Variants in TTC29 observed in about 807,000 individuals in gnomAD.
TTC29 encodes tetratricopeptide repeat protein 29.
Under a neutral mutation model 58.1 loss-of-function variants are expected in TTC29, and 49 were observed. The ratio of observed to expected loss-of-function variants is 0.84; its 90% CI spans 0.67 to 1.07. TTC29 has a LOEUF of 1.07. Ranked by LOEUF, TTC29 falls within the 50% of genes least tolerant of loss-of-function variation. The probability of loss-of-function intolerance (pLI) is 0.00; values close to 1 mark genes in which losing one functional copy is unlikely to be tolerated. For missense variants in TTC29, 582 were observed against 555.6 expected (o/e 1.05, Z -0.48); for synonymous variants, 209 against 196.8 (o/e 1.06, Z -0.52).
At chr4:146,849,909 C>G (rs750304291) in intron 8 of TTC29, among the ~76,000 whole-genome samples, 4 of 152,222 alleles carry the variant, frequency 2.6e-5, no homozygotes, top group Non-Finnish European at 4.4e-5. Context: ...GTCAGCCTCT[C>G]AATGCAGCCT....
intron 11 of TTC29, among the ~76,000 whole-genome samples, chr4:146,712,221 A>G (rs1742550029): frequency 6.6e-6 from 1 of 152,204 alleles, no homozygotes; most frequent in Admixed American, 6.6e-5. Context: ...ATTAGCCACA[A>G]ATAAGGAATG....
intron 11 of TTC29, among the ~76,000 whole-genome samples, chr4:146,779,336 C>T (rs980495057): frequency 2.0e-5 from 3 of 151,982 alleles, no homozygotes; most frequent in Admixed American, 6.6e-5. Context: ...TCAAACTTTT[C>T]CAAATGATGT....
At chr4:146,935,959 T>C (rs918451478) in intron 4 of TTC29, among the ~76,000 whole-genome samples, 2 of 152,180 alleles carry the variant, frequency 1.3e-5, no homozygotes, top group Non-Finnish European at 2.9e-5. Context: ...ATTCAATTAG[T>C]CTGTCTAGGG....
rs150888756 is a variant in TTC29 at position 146,731,453 on chromosome 4, T to C, written c.1331-23902A>G. On this transcript the variant is annotated intron_variant, in intron 11 of 12. Coordinates refer to ENST00000325106, the MANE Select transcript of TTC29 (RefSeq NM_031956.4). Reference sequence around the variant, plus strand: ...GCACTGCATAGCTGTATGTTTTTCTTCAGAAACATTCAATTGTAAGAGTGC... The same window carrying C: ...GCACTGCATAGCTGTATGTTTTTCTCCAGAAACATTCAATTGTAAGAGTGC... Among the ~76,000 whole-genome samples, 29 of 152,214 alleles carry C rather than the reference T, an allele frequency of 1.9e-4. No individual in the cohort carries two copies. In the East Asian group the frequency reaches 5.6e-3, roughly 29 times the overall value.
intron 9 of TTC29, among the ~76,000 whole-genome samples, chr4:146,822,351 C>T (rs926383387): frequency 1.3e-4 from 20 of 152,144 alleles, no homozygotes; most frequent in Non-Finnish European, 4.4e-5. Context: ...GTTTTCTGTT[C>T]CTGTGTTAAC....
At position 146,922,442 on chromosome 4, in the gene TTC29, CAGAT is replaced by C. The variant is rs201874333; in HGVS notation, c.177-13197_177-13194del. 8.5e-3 allele frequency among the ~76,000 whole-genome samples: 1,287 copies of C among 151,558 alleles called. 15 individuals are homozygous for C. The highest frequency in any genetic ancestry group is 0.03 in the African/African-American group (1,235 of 41,426). On this transcript the variant is annotated intron_variant, in intron 4 of 12. Transcript: ENST00000325106. ...CAAATATAACCAAGAAAAACAAAAACAGATAGTCACTAAACATAGTAGCACGAAC... is the reference window on the plus strand; with the variant it reads ...CAAATATAACCAAGAAAAACAAAAACAGTCACTAAACATAGTAGCACGAAC...
intron 11 of TTC29, among the ~76,000 whole-genome samples, chr4:146,734,303 G>A (rs984750367): frequency 5.9e-5 from 9 of 152,238 alleles, no homozygotes; most frequent in African/African-American, 9.6e-5. Context: ...AGTGGAACAC[G>A]TGGAGTTTCC....
chr4:146,880,191 C>T (rs1307827226), intron 6 of TTC29, among the ~76,000 whole-genome samples: 2 of 152,128 alleles, frequency 1.3e-5, no homozygotes, highest in Non-Finnish European at 2.9e-5. Context: ...GATCAGAAAA[C>T]ACAGCTTAGG....
chr4:146,867,224 C>A (rs573226064), intron 8 of TTC29, among the ~76,000 whole-genome samples: 3 of 152,220 alleles, frequency 2.0e-5, no homozygotes, highest in African/African-American at 7.2e-5. Context: ...TTGATATGGG[C>A]ATATGGAGGG....
Position 146,724,040 on chromosome 4 carries a change from G to GT in TTC29, c.1331-16490dup, listed in dbSNP as rs531457223. Among the ~76,000 whole-genome samples the GT allele has an allele frequency of 2.4e-3, 367 of 152,320 alleles. 2 individuals carry two copies. Among genetic ancestry groups the GT allele is most frequent in the African/African-American group, 8.4e-3 (351 of 41,568 alleles). On this transcript the variant is annotated intron_variant, in intron 11 of 12. Coordinates refer to ENST00000325106, the MANE Select transcript of TTC29 (RefSeq NM_031956.4). ...CATATACACCATGGAATACTATGCA[G>GT]TCACAAAAAGAGTGAAATCATGTCC...
chr4:146,877,664 T>C (rs1256423677), intron 6 of TTC29, among the ~76,000 whole-genome samples: 5 of 149,944 alleles, frequency 3.3e-5, no homozygotes, highest in African/African-American at 4.9e-5. Context: ...GAAAGATGTA[T>C]ACAAGAGTTC....
chr4:146,856,269 C>G (rs1472787156), intron 8 of TTC29, among the ~76,000 whole-genome samples: 1 of 152,012 alleles, frequency 6.6e-6, no homozygotes, highest in East Asian at 1.9e-4. Context: ...GATACAAAAA[C>G]TTCAGCTTTG....
At chr4:146,738,123 C>T (rs1413606801) in intron 11 of TTC29, among the ~76,000 whole-genome samples, 1 of 152,140 alleles carries the variant, frequency 6.6e-6, no homozygotes, top group Non-Finnish European at 1.5e-5. Context: ...CACTATCGGT[C>T]TAGTATTGCT....
intron 7 of TTC29, among the ~76,000 whole-genome samples, chr4:146,868,223 G>A (rs1242815979): frequency 6.6e-6 from 1 of 152,122 alleles, no homozygotes; most frequent in Non-Finnish European, 1.5e-5. Context: ...GGACTGTTGT[G>A]GGGTGTGGGG....
At chr4:146,893,078 T>C (rs2150251718) in intron 6 of TTC29, among the ~76,000 whole-genome samples, 1 of 152,272 alleles carries the variant, frequency 6.6e-6, no homozygotes, top group African/African-American at 2.4e-5. Flanking sequence ...ATAGGAAGAA[T>C]CAATATCGTG....
chr4:146,819,816 A>G (rs530068846), intron 10 of TTC29, among the ~76,000 whole-genome samples: 2 of 152,340 alleles, frequency 1.3e-5, no homozygotes, highest in African/African-American at 4.8e-5. Flanking sequence ...CCTTTGAATT[A>G]AATATTTTAA....
chr4:146,832,844 G>A (rs1367766075), intron 9 of TTC29, among the ~76,000 whole-genome samples: 4 of 152,024 alleles, frequency 2.6e-5, no homozygotes, highest in Non-Finnish European at 4.4e-5. Flanking sequence ...TGATGACTGC[G>A]TTTTATTTAT....
At chr4:146,737,716 T>C in intron 11 of TTC29, among the ~76,000 whole-genome samples, 1 of 151,842 alleles carries the variant, frequency 6.6e-6, no homozygotes. Flanking sequence ...AGATATTGCA[T>C]GGGTTTGGAT....
intron 11 of TTC29, among the ~76,000 whole-genome samples, chr4:146,752,392 A>C (rs1746077549): frequency 7.2e-6 from 1 of 139,494 alleles, no homozygotes; most frequent in South Asian, 2.4e-4. Context: ...CTGCTCAATG[A>C]AATAAAAGAG....
Sources: gnomAD v4.1 joint callset for allele counts (sites outside exome capture counted in the v4.1 genomes callset) on GRCh38, gnomAD v4.1.1 for gene constraint, MANE v1.5 for transcripts, NCBI Gene and HGNC (gene_info 2026-07-23, HGNC 2026-07-21) for gene names.